KCTD16: variants seen among roughly 807,000 people sequenced by gnomAD.
The protein encoded by KCTD16 is potassium channel tetramerization domain containing 16.
Under a neutral mutation model 33.2 loss-of-function variants are expected in KCTD16, and 13 were observed. The ratio of observed to expected loss-of-function variants is 0.39; its 90% confidence interval spans 0.25 to 0.62. The LOEUF is 0.62. Ranked by LOEUF, KCTD16 falls within the 20% of genes least tolerant of loss-of-function variation. The pLI is 0.50. For missense variants in KCTD16, 441 were observed against 525.1 expected (o/e 0.84, Z 1.57); for synonymous variants, 197 against 195.3 (o/e 1.01, Z -0.07).
chr5:144,291,830 G>A (rs898768813), intron 3 of KCTD16, among the ~76,000 whole-genome samples: 41 of 152,182 alleles, frequency 2.7e-4, no homozygotes, highest in Middle Eastern at 3.4e-3. Context: ...ACCACATACC[G>A]TGTAATATTA....
intron 3 of KCTD16, among the ~76,000 whole-genome samples, chr5:144,444,423 T>C (rs1271405720): frequency 6.6e-6 from 1 of 152,086 alleles, no homozygotes. Context: ...TCTTTAGTCA[T>C]TTAAGTAAGG....
chr5:144,273,948 T>C (rs1220902070), intron 3 of KCTD16, among the ~76,000 whole-genome samples: 1 of 151,126 alleles, frequency 6.6e-6, no homozygotes, highest in African/African-American at 2.4e-5. Flanking sequence ...ATGTTATGTG[T>C]ATTAAAATAT....
At chr5:144,454,948 C>G (rs1267597993) in intron 3 of KCTD16, among the ~76,000 whole-genome samples, 1 of 152,112 alleles carries the variant, frequency 6.6e-6, no homozygotes, top group Non-Finnish European at 1.5e-5. Flanking sequence ...CTTCTGGGCA[C>G]TAAGGCTACA....
intron 3 of KCTD16, chr5:144,384,245 T>C (rs1332488394): frequency 2.6e-5 from 4 of 152,194 alleles, no homozygotes; most frequent in African/African-American, 7.2e-5. Context: ...CATCATTTCC[T>C]TGTAATGGAT....
chr5:144,205,212 G>C (rs1753133353), intron 2 of KCTD16: 1 of 244,836 alleles, frequency 4.1e-6, no homozygotes. Flanking sequence ...CAAGCCCCGC[G>C]CGCCTGGCAA....
intron 3 of KCTD16, among the ~76,000 whole-genome samples, chr5:144,353,919 A>G (rs6874633): frequency 3.9e-5 from 6 of 152,094 alleles, no homozygotes; most frequent in African/African-American, 1.4e-4. Context: ...ACAGGTATAC[A>G]TATCTTTTTC....
chr5:144,325,746 A>G (rs191032037), intron 3 of KCTD16, among the ~76,000 whole-genome samples: 17 of 152,202 alleles, frequency 1.1e-4, no homozygotes, highest in Admixed American at 1.1e-3. Context: ...TACTTTCCCC[A>G]GCAAAGCCCT....
chr5:144,186,189 A>T (rs1362228503), intron 2 of KCTD16, among the ~76,000 whole-genome samples: 1 of 152,160 alleles, frequency 6.6e-6, no homozygotes, highest in Non-Finnish European at 1.5e-5. Context: ...TTCATCAGTT[A>T]TGCTTGATGT....
At chr5:144,184,656 T>C (rs1752690025) in intron 2 of KCTD16, among the ~76,000 whole-genome samples, 1 of 152,206 alleles carries the variant, frequency 6.6e-6, no homozygotes, top group Non-Finnish European at 1.5e-5. Flanking sequence ...AATTGCTCCA[T>C]ACGATAGCCA....
chr5:144,450,718 T>C lies in KCTD16; in HGVS notation c.833-22942T>C, dbSNP rs117284143. Among the ~76,000 whole-genome samples the C allele has an allele frequency of 4.9e-3, 739 of 152,210 alleles. 28 individuals carry two copies. The highest frequency in any genetic ancestry group is 0.036 in the Admixed American group (555 of 15,258). On this transcript the variant is annotated intron_variant, in intron 3 of 3. Transcript: ENST00000512467. ...TCACAGAAGAACAAATATTGCATAATTCCACTTAAATGAGGTATCTAAAGT... is the reference window on the plus strand; with the variant it reads ...TCACAGAAGAACAAATATTGCATAACTCCACTTAAATGAGGTATCTAAAGT...
chr5:144,254,816 G>A (rs750665728), intron 3 of KCTD16, among the ~76,000 whole-genome samples: 1 of 151,968 alleles, frequency 6.6e-6, no homozygotes, highest in South Asian at 2.1e-4. Context: ...CTGGAGTGCA[G>A]TGGTGTAATC....
intron 3 of KCTD16, among the ~76,000 whole-genome samples, chr5:144,471,412 C>A (rs1754470564): frequency 6.6e-6 from 1 of 152,146 alleles, no homozygotes; most frequent in Non-Finnish European, 1.5e-5. Context: ...TTCTTCTCTT[C>A]TTCCTTTTTG....
At chr5:144,313,040 G>A (rs552462958) in intron 3 of KCTD16, among the ~76,000 whole-genome samples, 7 of 152,306 alleles carry the variant, frequency 4.6e-5, no homozygotes, top group South Asian at 2.1e-4. Context: ...ACCAAACGAA[G>A]AGTGAAGAAA....
chr5:144,255,287 T>A (rs1381724341), intron 3 of KCTD16, among the ~76,000 whole-genome samples: 1 of 152,148 alleles, frequency 6.6e-6, no homozygotes. Context: ...AACATAGGAG[T>A]GCAGGTATCT....
chr5:144,361,057 CCCCGA>C (rs1314293385), intron 3 of KCTD16, among the ~76,000 whole-genome samples: 1 of 129,264 alleles, frequency 7.7e-6, no homozygotes, highest in Non-Finnish European at 1.6e-5. Context: ...CTCCCCCCTC[CCCCGA>C]CCCCACAACA....
intron 3 of KCTD16, among the ~76,000 whole-genome samples, chr5:144,337,577 A>G (rs1311198324): frequency 1.3e-5 from 2 of 152,192 alleles, no homozygotes; most frequent in Non-Finnish European, 1.5e-5. Context: ...ATAGTCTTAT[A>G]TATTTGGTGT....
At position 144,477,089 on chromosome 5, in the gene KCTD16, G is replaced by A. The variant is rs1754611012; in HGVS notation, c.*2975G>A. The A allele has an allele frequency of 6.6e-6, 1 of 152,046 alleles. No individual in the cohort carries two copies. The highest frequency in any genetic ancestry group is 2.4e-5 in the African/African-American group (1 of 41,394). The allele number at this position is 152,046 out of a possible 1,614,324, so 9.4% of individuals were successfully genotyped here. A position where few individuals can be genotyped will look rare whatever the true frequency, so the allele number is the denominator to read the frequency against. On this transcript the variant is annotated 3_prime_UTR_variant, in exon 4 of 4. Transcript: ENST00000512467. The stretch of plus-strand genomic sequence containing the variant: ...ATCATTCCCTAAAGGTATGTGGGTT[G>A]TCTGAAGTCAGAAACATATTTACAA...
At chr5:144,423,316 T>C (rs1364991951) in intron 3 of KCTD16, among the ~76,000 whole-genome samples, 3 of 152,114 alleles carry the variant, frequency 2.0e-5, no homozygotes, top group Admixed American at 6.6e-5. Context: ...AGTGACATAA[T>C]TGGTTTTATG....
At chr5:144,173,563 C>G (rs557668197) in intron 1 of KCTD16, among the ~76,000 whole-genome samples, 1 of 152,086 alleles carries the variant, frequency 6.6e-6, no homozygotes, top group Non-Finnish European at 1.5e-5. Context: ...GTACAACAAA[C>G]CCCCATGATA....
Sources: gnomAD v4.1 joint callset for allele counts (sites outside exome capture counted in the v4.1 genomes callset) on GRCh38, gnomAD v4.1.1 for gene constraint, MANE v1.5 for transcripts, NCBI Gene and HGNC (gene_info 2026-07-23, HGNC 2026-07-21) for gene names.